Variants in UGGT2 observed in about 807,000 individuals in gnomAD.
UGGT2 encodes the protein UDP-glucose glycoprotein glucosyltransferase 2.
Under a neutral mutation model 192.1 loss-of-function variants are expected in UGGT2, and 180 were observed. The ratio of observed to expected loss-of-function variants is 0.94; its 90% CI spans 0.83 to 1.06. The LOEUF (loss-of-function observed/expected upper bound fraction) is 1.06, where lower values mean the gene tolerates loss of function less well. Ranked by LOEUF, UGGT2 falls within the 50% of genes least tolerant of loss-of-function variation. UGGT2 has a pLI of 0.00. For missense variants in UGGT2, 1,849 were observed against 1,795.7 expected, an observed-to-expected ratio of 1.03 and a Z score of -0.54; for synonymous variants, 580 against 591.0, an observed-to-expected ratio of 0.98 and a Z score of 0.27.
At chr13:96,052,244 A>C (rs763595842) in intron 1 of UGGT2, among the ~76,000 whole-genome samples, 4 of 152,214 alleles carry the variant, frequency 2.6e-5, no homozygotes, top group Non-Finnish European at 5.9e-5. Flanking sequence ...GTATGTTCTC[A>C]CTGATATGTG....
rs186104740 is a variant in UGGT2 at position 95,887,519 on chromosome 13, T to C, written c.3038+373A>G. 14 of 308,294 alleles carry C rather than the reference T, an allele frequency of 4.5e-5. No individual in the cohort carries two copies. The East Asian group carries it at 9.9e-4, about 22-fold the overall frequency. 19.1% of individuals were successfully genotyped at this position (308,294 alleles called of 1,614,324 possible). A position where few individuals can be genotyped will look rare whatever the true frequency, so the allele number is the denominator to read the frequency against. On this transcript the variant is annotated intron_variant, in intron 26 of 38. Transcript: ENST00000376747. ...CTAATTTTATCCTAATGCCCCCAAA[T>C]AGTAAATGTGATGATATAATAAAGA...
chr13:95,956,105 A>G (rs745851886), intron 12 of UGGT2, among the ~76,000 whole-genome samples: 23 of 152,228 alleles, frequency 1.5e-4, no homozygotes, highest in Non-Finnish European at 2.9e-4. Flanking sequence ...ACAAGCTAAA[A>G]CAATCTTGAT....
intron 12 of UGGT2, among the ~76,000 whole-genome samples, chr13:95,967,938 A>C (rs1024175701): frequency 6.6e-6 from 1 of 152,186 alleles, no homozygotes; most frequent in African/African-American, 2.4e-5. Context: ...TTGAAAGAAA[A>C]GCTTTTGATC....
At chr13:95,988,157 A>C (rs138103668) in intron 8 of UGGT2, among the ~76,000 whole-genome samples, 169 of 152,028 alleles carry the variant, frequency 1.1e-3, no homozygotes, top group African/African-American at 3.9e-3. Flanking sequence ...AGTTGCAAAT[A>C]CTGGAATCGA....
At chr13:95,902,794 A>G in intron 21 of UGGT2, 60 bp downstream of exon 21, 1 of 1,476,704 alleles carries the variant, frequency 6.8e-7, no homozygotes. Flanking sequence ...ATCTCCAAAT[A>G]CACTCACACT....
At chr13:95,984,145 A>C (rs985986009) in intron 9 of UGGT2, among the ~76,000 whole-genome samples, 1 of 152,184 alleles carries the variant, frequency 6.6e-6, no homozygotes, top group African/African-American at 2.4e-5. Context: ...TTCATTGAAA[A>C]AGCTGTTTTG....
chr13:95,846,180 C>T (rs985620171), intron 36 of UGGT2, among the ~76,000 whole-genome samples: 13 of 152,164 alleles, frequency 8.5e-5, no homozygotes, highest in Non-Finnish European at 1.5e-4. Context: ...CCCGGCACCT[C>T]GGGAGGCCAA....
rs552811403 is a variant in UGGT2, at chr13:95,986,600, C to T, written c.932-168G>A. ...AAAAGTTTTAAATGTAAAGTTATCA[C>T]TTATTTCCAAATATAAGCTTTATAC... On this transcript the variant is annotated intron_variant, in intron 8 of 38. Coordinates refer to ENST00000376747, the MANE Select transcript of UGGT2 (RefSeq NM_020121.4). Among the ~76,000 whole-genome samples, 16 of 152,168 alleles carry T rather than the reference C, an allele frequency of 1.1e-4. No homozygotes were observed. The South Asian group carries it at 3.3e-3, about 32-fold the overall frequency.
At chr13:95,843,984 G>C (rs1317396631) in intron 36 of UGGT2, among the ~76,000 whole-genome samples, 2 of 151,964 alleles carry the variant, frequency 1.3e-5, no homozygotes, top group Non-Finnish European at 2.9e-5. Flanking sequence ...TTTTGAGACA[G>C]AGTTTTGTTC....
intron 36 of UGGT2, among the ~76,000 whole-genome samples, chr13:95,846,025 C>T (rs1165497827): frequency 6.6e-6 from 1 of 152,058 alleles, no homozygotes; most frequent in Non-Finnish European, 1.5e-5. Flanking sequence ...GACGGGGTGG[C>T]GGCCAGGCAG....
At chr13:96,015,755 T>G (rs753561251) in intron 4 of UGGT2, among the ~76,000 whole-genome samples, 1 of 152,192 alleles carries the variant, frequency 6.6e-6, no homozygotes, top group Non-Finnish European at 1.5e-5. Context: ...AGATTTTAGT[T>G]CTAGAAATTT....
At chr13:95,929,855 C>T (rs1479086933) in intron 17 of UGGT2, among the ~76,000 whole-genome samples, 1 of 152,178 alleles carries the variant, frequency 6.6e-6, no homozygotes, top group Non-Finnish European at 1.5e-5. Context: ...TTTGAAACAT[C>T]TACAAACTGC....
intron 20 of UGGT2, among the ~76,000 whole-genome samples, chr13:95,906,704 AAAG>A (rs1435769608): frequency 9.2e-5 from 14 of 152,236 alleles, no homozygotes; most frequent in African/African-American, 3.1e-4. Context: ...AAAATCTTGA[AAAG>A]AAGAGAAATG....
intron 38 of UGGT2, among the ~76,000 whole-genome samples, chr13:95,821,524 T>A (rs1885514106): frequency 6.6e-6 from 1 of 152,208 alleles, no homozygotes; most frequent in Non-Finnish European, 1.5e-5. Flanking sequence ...TCCCATTCTG[T>A]GGGTTGTAGG....
chr13:95,933,049 T>C (rs370686059), intron 17 of UGGT2, among the ~76,000 whole-genome samples: 4 of 152,334 alleles, frequency 2.6e-5, no homozygotes, highest in South Asian at 4.1e-4. Context: ...GTTTTTTCAT[T>C]GCATGTTTGC....
intron 20 of UGGT2, among the ~76,000 whole-genome samples, chr13:95,910,513 C>T (rs72636562): frequency 0.12 from 18,930 of 152,100 alleles, 1,296 homozygotes; most frequent in Middle Eastern, 0.21. Context: ...TAATGGTAAA[C>T]GGATGAATTG....
rs769326920 is a variant in UGGT2 at position 95,895,332 on chromosome 13, T to C, written c.2635-28A>G. 7 of 1,288,846 alleles carry C rather than the reference T, an allele frequency of 5.4e-6. No individual in the cohort carries two copies. The African/African-American group carries it at 9.3e-5, about 17-fold the overall frequency. The allele number at this position is 1,288,846 out of a possible 1,614,324, so 79.8% of individuals were successfully genotyped here. A position where few individuals can be genotyped will look rare whatever the true frequency, so the allele number is the denominator to read the frequency against. On this transcript the variant is annotated intron_variant, in intron 22 of 38. Transcript: ENST00000376747. ...TAAAATAAAAACAGTTATATTATCA[T>C]ATATCTTCTAGAAGATATCAGTTTA...
chr13:95,827,682 T>G (rs1028178095), intron 38 of UGGT2, among the ~76,000 whole-genome samples: 4 of 152,178 alleles, frequency 2.6e-5, no homozygotes, highest in Admixed American at 2.6e-4. Flanking sequence ...CAAGCCATCC[T>G]TATAGAGTTA....
chr13:96,019,107 C>T (rs1289881208), intron 4 of UGGT2, among the ~76,000 whole-genome samples: 1 of 95,744 alleles, frequency 1.0e-5, no homozygotes, highest in Non-Finnish European at 1.9e-5. Flanking sequence ...AAATTATTAA[C>T]TTTGCCCTAC....
Sources: allele counts gnomAD v4.1 joint callset (sites outside exome capture counted in the v4.1 genomes callset), GRCh38; gene constraint gnomAD v4.1.1; transcripts MANE v1.5; gene names NCBI Gene and HGNC (gene_info 2026-07-23, HGNC 2026-07-21).